Variants in TRHDE observed in about 807,000 individuals in gnomAD.
The protein encoded by TRHDE is thyrotropin-releasing hormone-degrading ectoenzyme.
Under a neutral mutation model 125.7 loss-of-function variants are expected in TRHDE, and 72 were observed. The ratio of observed to expected loss-of-function variants is 0.57; its 90% CI spans 0.47 to 0.70. The LOEUF (loss-of-function observed/expected upper bound fraction) is 0.70. Ranked by LOEUF, TRHDE falls within the 30% of genes least tolerant of loss-of-function variation. TRHDE has a pLI of 0.00. For missense variants in TRHDE, 1,110 were observed against 1,327.1 expected, an observed-to-expected ratio of 0.84 and a Z score of 2.54; for synonymous variants, 509 against 509.1, an observed-to-expected ratio of 1.00 and a Z score of 0.00.
chr12:72,258,528 A>G (rs1266839216), intron 2 of TRHDE, among the ~76,000 whole-genome samples: 1 of 152,196 alleles, frequency 6.6e-6, no homozygotes, highest in Non-Finnish European at 1.5e-5. Context: ...ATAAGAATAA[A>G]GTGGGTTTTA....
chr12:72,094,351 G>A (rs1030105439), intron 1 of TRHDE, among the ~76,000 whole-genome samples: 10 of 151,758 alleles, frequency 6.6e-5, no homozygotes, highest in Admixed American at 6.6e-4. Flanking sequence ...TGAGTAAGGG[G>A]CCATAGCCAA....
chr12:72,224,110 C>T (rs990152258), intron 2 of TRHDE, among the ~76,000 whole-genome samples: 2 of 51,158 alleles, frequency 3.9e-5, no homozygotes, highest in African/African-American at 1.5e-4. Flanking sequence ...ATCTATCTAT[C>T]TATCTATCTA....
At chr12:72,216,827 G>T (rs1490535894) in intron 2 of TRHDE, among the ~76,000 whole-genome samples, 2 of 152,000 alleles carry the variant, frequency 1.3e-5, no homozygotes, top group African/African-American at 4.8e-5. Context: ...TTCCTATTAT[G>T]AATAATTTAA....
At chr12:72,524,477 T>C (rs578147718) in intron 6 of TRHDE, among the ~76,000 whole-genome samples, 4 of 152,138 alleles carry the variant, frequency 2.6e-5, no homozygotes, top group Non-Finnish European at 5.9e-5. Context: ...CAGATCTCAA[T>C]TGGTCCATTT....
intron 7 of TRHDE, among the ~76,000 whole-genome samples, chr12:72,552,213 C>T (rs1040757674): frequency 2.0e-5 from 3 of 151,962 alleles, no homozygotes; most frequent in Admixed American, 1.3e-4. Context: ...GGGATTGGGG[C>T]AGTCAGCATA....
chr12:72,343,363 G>T (rs1870169670), intron 2 of TRHDE, among the ~76,000 whole-genome samples: 1 of 150,982 alleles, frequency 6.6e-6, no homozygotes, highest in Non-Finnish European at 1.5e-5. Flanking sequence ...TGCAAATTTT[G>T]CATCCTGTGA....
chr12:72,633,696 C>G (rs1873593339), intron 15 of TRHDE, among the ~76,000 whole-genome samples: 1 of 152,014 alleles, frequency 6.6e-6, no homozygotes, highest in Non-Finnish European at 1.5e-5. Flanking sequence ...GTAGAGATTT[C>G]TAGAAACCAT....
At chr12:72,269,485 T>A (rs1307955864), upstream of TRHDE, among the ~76,000 whole-genome samples, 20 of 152,212 alleles carry the variant, frequency 1.3e-4, no homozygotes, top group Admixed American at 1.1e-3. Context: ...TATTTAATTC[T>A]GAAATATTTG....
intron 12 of TRHDE, among the ~76,000 whole-genome samples, chr12:72,609,375 G>A (rs552614821): frequency 7.2e-5 from 11 of 152,236 alleles, no homozygotes; most frequent in South Asian, 2.1e-4. Flanking sequence ...GAACCAATCC[G>A]AAGGTAATTA....
intron 15 of TRHDE, among the ~76,000 whole-genome samples, chr12:72,632,492 A>G (rs1398615885): frequency 6.6e-6 from 1 of 151,920 alleles, no homozygotes; most frequent in Non-Finnish European, 1.5e-5. Flanking sequence ...CACAACTTCT[A>G]CTACAATTGT....
Position 72,278,531 on chromosome 12 carries a change from G to A in TRHDE, c.914+4974G>A, listed in dbSNP as rs553692821. 1.3e-4 allele frequency among the ~76,000 whole-genome samples: 20 copies of A among 152,058 alleles called. No individual in the cohort carries two copies. The South Asian group carries it at 4.2e-3, about 32-fold the overall frequency. ...AACCTCCATACTGTTTTCCATAATG[G>A]CTGTACTAATTTATAGTGTACTCAT... On this transcript the variant is annotated intron_variant, in intron 1 of 18. Transcript: ENST00000261180.
At chr12:72,592,634 G>T (rs662337) in intron 12 of TRHDE, among the ~76,000 whole-genome samples, 1 of 150,192 alleles carries the variant, frequency 6.7e-6, no homozygotes, top group African/African-American at 2.4e-5. Flanking sequence ...GGTTTGAAAT[G>T]CAGTTTTTCT....
At chr12:72,100,209 G>C (rs942818002) in intron 1 of TRHDE, among the ~76,000 whole-genome samples, 3 of 151,982 alleles carry the variant, frequency 2.0e-5, no homozygotes, top group Non-Finnish European at 2.9e-5. Context: ...TATAAAATAG[G>C]GGCAAAAATA....
intron 3 of TRHDE, among the ~76,000 whole-genome samples, chr12:72,460,953 GT>G (rs1876101101): frequency 1.3e-5 from 2 of 152,104 alleles, no homozygotes; most frequent in Non-Finnish European, 2.9e-5. Flanking sequence ...CACATGTAAA[GT>G]GTTCTTCCAT....
intron 18 of TRHDE, among the ~76,000 whole-genome samples, chr12:72,659,706 A>C (rs1184051109): frequency 1.3e-5 from 2 of 152,200 alleles, no homozygotes; most frequent in African/African-American, 4.8e-5. Context: ...CTAAGAAGAT[A>C]GGGAGCACAA....
chr12:72,294,201 G>A (rs140105244), intron 2 of TRHDE, among the ~76,000 whole-genome samples: 133 of 152,330 alleles, frequency 8.7e-4, no homozygotes, highest in Admixed American at 7.4e-3. Context: ...GCATGTCTCA[G>A]CCCTGTTTGT....
intron 10 of TRHDE, among the ~76,000 whole-genome samples, chr12:72,569,439 T>C (rs1870616005): frequency 6.6e-6 from 1 of 152,184 alleles, no homozygotes; most frequent in South Asian, 2.1e-4. Context: ...TTGATGTTAT[T>C]TTGCTCTCTC....
intron 1 of TRHDE, among the ~76,000 whole-genome samples, chr12:72,278,537 C>A (rs545398432): frequency 6.6e-6 from 1 of 152,184 alleles, no homozygotes; most frequent in Non-Finnish European, 1.5e-5. Flanking sequence ...AATGGCTGTA[C>A]TAATTTATAG....
At chr12:72,318,474 G>A (rs1430650755) in intron 2 of TRHDE, among the ~76,000 whole-genome samples, 4 of 152,168 alleles carry the variant, frequency 2.6e-5, no homozygotes, top group Non-Finnish European at 5.9e-5. Context: ...ATACGATTAT[G>A]AATTGGTCTT....
Sources: gnomAD v4.1 joint callset for allele counts (sites outside exome capture counted in the v4.1 genomes callset) on GRCh38, gnomAD v4.1.1 for gene constraint, MANE v1.5 for transcripts, NCBI Gene and HGNC (gene_info 2026-07-23, HGNC 2026-07-21) for gene names.